Variants in CDH20 observed in about 807,000 individuals in gnomAD.
The protein encoded by CDH20 is cadherin-20.
A neutral mutation model predicts 74.2 loss-of-function variants in CDH20; 29 were observed. That is an observed-to-expected ratio of 0.39 (90% CI 0.29 to 0.53). The LOEUF (loss-of-function observed/expected upper bound fraction) is 0.53, where lower values mean the gene tolerates loss of function less well. Among genes scored for constraint, CDH20 ranks in the 20% least tolerant of loss-of-function variants. The pLI, the probability that CDH20 is intolerant of heterozygous loss-of-function variation, is 0.69. For synonymous variants in CDH20, 469 were observed against 405.4 expected (o/e 1.16, Z -1.88); for missense variants, 988 against 1,048.3 (o/e 0.94, Z 0.79).
At chr18:61,520,586 G>C (rs1308098543) in intron 6 of CDH20, among the ~76,000 whole-genome samples, 1 of 123,786 alleles carries the variant, frequency 8.1e-6, no homozygotes, top group South Asian at 2.9e-4. Context: ...GGACCAAGCA[G>C]ACCTAATAGA....
chr18:61,489,703 G>T (rs1248711796), intron 1 of CDH20, among the ~76,000 whole-genome samples: 1 of 151,992 alleles, frequency 6.6e-6, no homozygotes, highest in Non-Finnish European at 1.5e-5. Context: ...GCACTTTAAA[G>T]TCTGTTGTGA....
intron 1 of CDH20, among the ~76,000 whole-genome samples, chr18:61,462,285 A>C (rs527636680): frequency 6.6e-6 from 1 of 152,252 alleles, no homozygotes; most frequent in African/African-American, 2.4e-5. Flanking sequence ...ATCACCTTGT[A>C]CCCCATAAAT....
chr18:61,538,992 C>T (rs1416002782), intron 8 of CDH20, 32 bp from the exon 9 acceptor site: 2 of 1,603,966 alleles, frequency 1.2e-6, no homozygotes, highest in African/African-American at 2.7e-5. Flanking sequence ...TTACTAAACT[C>T]TCAGATTTGG....
chr18:61,554,448 G>A lies in CDH20; in HGVS notation c.2159G>A (p.Ser720Asn), dbSNP rs1266574983. ...GTGCCTCAGACGTGCGCAGTGAACA[G>A]CACTGTCCACAGCTACGTGCTGGCC... ...RYVPQTCAVNSTVHSYVLAKL... is the reference protein window; with the variant it reads ...RYVPQTCAVNNTVHSYVLAKL... Residue 720 changes from serine (S) to asparagine (N), a missense_variant, in exon 12 of 12, where the codon AGC becomes AAC. Ser to Asn is a conservative substitution (Grantham distance 46). Around this residue, in one of 2 missense-constraint regions of CDH20, gnomAD observed 375 missense variants for 293.1 expected, o/e 1.28. Transcript: ENST00000262717. 6.2e-7 allele frequency: 1 copy of A among 1,613,240 alleles called. No homozygotes were observed. The highest frequency in any genetic ancestry group is 8.5e-7 in the Non-Finnish European group (1 of 1,179,964).
At chr18:61,463,269 C>G (rs568955187) in intron 1 of CDH20, among the ~76,000 whole-genome samples, 8 of 152,254 alleles carry the variant, frequency 5.3e-5, no homozygotes, top group African/African-American at 1.9e-4. Context: ...CTCCTCACCC[C>G]ATCCCGGTAT....
chr18:61,343,072 T>C (rs1437185628), intron 1 of CDH20, among the ~76,000 whole-genome samples: 2 of 152,152 alleles, frequency 1.3e-5, no homozygotes, highest in South Asian at 4.1e-4. Context: ...GACTCCAAGC[T>C]CCTTGAGGGT....
chr18:61,338,292 G>T (rs560571111), intron 1 of CDH20, among the ~76,000 whole-genome samples: 1 of 151,978 alleles, frequency 6.6e-6, no homozygotes, highest in Non-Finnish European at 1.5e-5. Context: ...ATTTTAAAGA[G>T]AATTTTATTC....
intron 1 of CDH20, among the ~76,000 whole-genome samples, chr18:61,402,350 C>T (rs779239171): frequency 1.3e-5 from 2 of 152,082 alleles, no homozygotes; most frequent in South Asian, 4.2e-4. Flanking sequence ...TACTGAAAAA[C>T]TTCCAAATAT....
intron 3 of CDH20, among the ~76,000 whole-genome samples, chr18:61,499,824 G>A (rs117796310): frequency 0.015 from 2,235 of 152,262 alleles, 35 homozygotes; most frequent in Admixed American, 0.038. Flanking sequence ...GTTAGGCGCG[G>A]TGGCTCACGC....
In CDH20 at chr18:61,499,520, C is replaced by T. The variant is rs1568165567; in HGVS notation, c.541+40C>T. 5.1e-6 allele frequency: 7 copies of T among 1,376,766 alleles called. No homozygotes were observed. In the Admixed American group the frequency reaches 1.4e-4, roughly 27 times the overall value. The allele number at this position is 1,376,766 out of a possible 1,614,324, so 85.3% of individuals were successfully genotyped here. A position where few individuals can be genotyped will look rare whatever the true frequency, so the allele number is the denominator to read the frequency against. On this transcript the variant is annotated intron_variant, in intron 3 of 11. Coordinates refer to ENST00000262717, the MANE Select transcript of CDH20 (RefSeq NM_031891.4). ...CGCTGATTTTCACAAATAGCACCTCCTATATATATACACACACACACACAT... is the reference window on the plus strand; with the variant it reads ...CGCTGATTTTCACAAATAGCACCTCTTATATATATACACACACACACACAT...
In CDH20 at chr18:61,490,671, C is replaced by T; in HGVS notation, c.118C>T (p.Gln40Ter). 6.2e-7 allele frequency: 1 copy of T among 1,614,062 alleles called. No individual in the cohort carries two copies. Among genetic ancestry groups the T allele is most frequent in the Non-Finnish European group, 8.5e-7 (1 of 1,180,022 alleles). ...CGTTCTCTCGGACACCCCAACACCACAAGGTGAATTAGAAGCACTCCTGTC... is the reference window on the plus strand; with the variant it reads ...CGTTCTCTCGGACACCCCAACACCATAAGGTGAATTAGAAGCACTCCTGTC... ...TTVLSDTPTP[Q>*]GELEALLSDK... Residue 40 changes from glutamine (Q) to a stop codon, truncating the protein, a stop_gained, in exon 2 of 12, where the codon CAA becomes TAA. Transcript: ENST00000262717. LOFTEE classifies it high-confidence loss of function.
rs143145623 is a variant in CDH20, at chr18:61,363,735, C to A, written c.-153+29908C>A. Among the ~76,000 whole-genome samples the A allele has an allele frequency of 3.2e-3, 480 of 152,182 alleles. 3 individuals carry two copies. The highest frequency in any genetic ancestry group is 0.011 in the African/African-American group (455 of 41,524). ...GAAGAAGGTCTATAAAATTTTATTT[C>A]GTCTTACTTAAAACAAGAGTCAGGG... On this transcript the variant is annotated intron_variant, in intron 1 of 11. Coordinates refer to ENST00000262717, the MANE Select transcript of CDH20 (RefSeq NM_031891.4).
chr18:61,443,603 C>T (rs919890231), intron 1 of CDH20, among the ~76,000 whole-genome samples: 10 of 152,096 alleles, frequency 6.6e-5, no homozygotes, highest in African/African-American at 2.2e-4. Context: ...TAGTCTGCAA[C>T]AAGACAGGGA....
At chr18:61,477,566 A>T (rs530611012) in intron 1 of CDH20, among the ~76,000 whole-genome samples, 1 of 152,364 alleles carries the variant, frequency 6.6e-6, no homozygotes, top group South Asian at 2.1e-4. Context: ...CTTCCAAGAC[A>T]GTTGCATAGT....
At chr18:61,465,317 C>T (rs1909923612) in intron 1 of CDH20, among the ~76,000 whole-genome samples, 1 of 152,200 alleles carries the variant, frequency 6.6e-6, no homozygotes, top group Non-Finnish European at 1.5e-5. Context: ...CATTCTCCAG[C>T]CCCCTAGCCT....
At chr18:61,429,217 G>A (rs1463831251) in intron 1 of CDH20, among the ~76,000 whole-genome samples, 1 of 152,110 alleles carries the variant, frequency 6.6e-6, no homozygotes, top group East Asian at 1.9e-4. Context: ...ATAATGTGCT[G>A]GATTTTTAAA....
At chr18:61,413,356 T>C (rs1260258328) in intron 1 of CDH20, among the ~76,000 whole-genome samples, 1 of 152,202 alleles carries the variant, frequency 6.6e-6, no homozygotes, top group Admixed American at 6.5e-5. Context: ...TATATTTATT[T>C]TTTATTTTTT....
intron 6 of CDH20, among the ~76,000 whole-genome samples, chr18:61,526,003 G>C (rs1043155128): frequency 7.4e-6 from 1 of 134,374 alleles, no homozygotes; most frequent in African/African-American, 2.9e-5. Flanking sequence ...AGCGATGTAG[G>C]TCTCATTAGG....
At chr18:61,451,634 CAAT>C (rs1452060251) in intron 1 of CDH20, among the ~76,000 whole-genome samples, 1 of 151,766 alleles carries the variant, frequency 6.6e-6, no homozygotes, top group Non-Finnish European at 1.5e-5. Context: ...AATAGTTTAA[CAAT>C]AAGCCACATA....
Sources: gnomAD v4.1 joint callset for allele counts (sites outside exome capture counted in the v4.1 genomes callset) on GRCh38, gnomAD v4.1.1 for gene constraint, gnomAD v4.1.1 regional missense constraint, MANE v1.5 for transcripts, NCBI Gene and HGNC (gene_info 2026-07-23, HGNC 2026-07-21) for gene names.